Variants in ITPR1 observed in about 807,000 individuals in gnomAD.
ITPR1 encodes inositol 1,4,5-trisphosphate-gated calcium channel ITPR1.
Under a neutral mutation model 318.4 loss-of-function variants are expected in ITPR1, and 96 were observed. The ratio of observed to expected loss-of-function variants is 0.30; its 90% CI spans 0.26 to 0.36. ITPR1 has a LOEUF of 0.36. Among genes scored for constraint, ITPR1 ranks in the 10% least tolerant of loss-of-function variants. The pLI is 1.00. For synonymous variants in ITPR1, 1,312 were observed against 1,289.9 expected (o/e 1.02, Z -0.37); for missense variants, 2,440 against 3,460.2 (o/e 0.71, Z 7.40).
chr3:4,655,241 C>T (rs536619275), intron 12 of ITPR1, among the ~76,000 whole-genome samples: 4 of 152,246 alleles, frequency 2.6e-5, no homozygotes, highest in South Asian at 2.1e-4. Context: ...TCCATGCTGC[C>T]GTCTGTGGTG....
intron 4 of ITPR1, among the ~76,000 whole-genome samples, chr3:4,594,608 T>A (rs2090651385): frequency 6.6e-6 from 1 of 152,210 alleles, no homozygotes; most frequent in African/African-American, 2.4e-5. Context: ...AGCCATTGTG[T>A]TCACATTCCA....
intron 60 of ITPR1, among the ~76,000 whole-genome samples, chr3:4,829,229 T>C (rs2050277488): frequency 1.3e-5 from 2 of 152,218 alleles, no homozygotes; most frequent in South Asian, 4.1e-4. Flanking sequence ...CCGTCCTGTA[T>C]ACACACAACT....
At position 4,727,258 on chromosome 3, in the gene ITPR1, C is replaced by A. The variant is rs1015190907; in HGVS notation, c.5220+85C>A. On this transcript the variant is annotated intron_variant, in intron 42 of 61. Transcript: ENST00000649015. ...TCAGCCACACACTGTGATTGAGAGA[C>A]AGCTTTTGTTGTTGATATTGTTAAA... The A allele has an allele frequency of 1.7e-5, 16 of 967,400 alleles. No homozygotes were observed. The Admixed American group carries it at 2.8e-4, about 17-fold the overall frequency. 59.9% of individuals were successfully genotyped at this position (967,400 alleles called of 1,614,324 possible).
At chr3:4,529,290 A>G (rs1328220207) in intron 4 of ITPR1, among the ~76,000 whole-genome samples, 5 of 152,238 alleles carry the variant, frequency 3.3e-5, no homozygotes, top group Non-Finnish European at 7.3e-5. Flanking sequence ...AGTGCAATAA[A>G]TAAGTTTACC....
At chr3:4,618,851 A>G (rs2092487015) in intron 4 of ITPR1, among the ~76,000 whole-genome samples, 1 of 152,202 alleles carries the variant, frequency 6.6e-6, no homozygotes, top group African/African-American at 2.4e-5. Context: ...TATTAAGCAT[A>G]CTGTCTCGAC....
At chr3:4,684,193 T>G in intron 28 of ITPR1, 88 bp from the exon 29 acceptor site, 1 of 844,746 alleles carries the variant, frequency 1.2e-6, no homozygotes, top group Non-Finnish European at 2.0e-6. Flanking sequence ...GAACTCCCTT[T>G]CTTTCCTAAA....
At chr3:4,673,487 G>A (rs1190014190) in intron 21 of ITPR1, 100 bp downstream of exon 21, 1 of 1,226,812 alleles carries the variant, frequency 8.2e-7, no homozygotes, top group Non-Finnish European at 1.1e-6. Context: ...TGAAGTGTTG[G>A]TTTTTTCTTC....
At chr3:4,555,995 G>A (rs1287909591) in intron 4 of ITPR1, among the ~76,000 whole-genome samples, 1 of 152,162 alleles carries the variant, frequency 6.6e-6, no homozygotes, top group African/African-American at 2.4e-5. Context: ...GTCGTGCTGT[G>A]TTTTAGCAGT....
intron 4 of ITPR1, among the ~76,000 whole-genome samples, chr3:4,569,258 A>G (rs1434469086): frequency 6.6e-6 from 1 of 152,176 alleles, no homozygotes; most frequent in Non-Finnish European, 1.5e-5. Flanking sequence ...TTTTATTTTA[A>G]AGAAAGTTAA....
At chr3:4,754,329 C>T (rs1486313292) in intron 44 of ITPR1, among the ~76,000 whole-genome samples, 2 of 152,168 alleles carry the variant, frequency 1.3e-5, no homozygotes, top group South Asian at 2.1e-4. Context: ...GGACCCTCCT[C>T]CCGGGAAGAG....
At chr3:4,768,043 T>A (rs903131554) in intron 45 of ITPR1, among the ~76,000 whole-genome samples, 7 of 152,216 alleles carry the variant, frequency 4.6e-5, no homozygotes, top group African/African-American at 1.4e-4. Flanking sequence ...ACAGGGTTAT[T>A]CTGAGGATGA....
chr3:4,768,347 C>A, intron 45 of ITPR1, 164 bp from the exon 46 acceptor site: 1 of 763,106 alleles, frequency 1.3e-6, no homozygotes, highest in Non-Finnish European at 2.0e-6. Context: ...CGGTTTTAAT[C>A]CTGTCTGAGG....
At chr3:4,544,645 T>C (rs2084790557) in intron 4 of ITPR1, among the ~76,000 whole-genome samples, 1 of 152,270 alleles carries the variant, frequency 6.6e-6, no homozygotes, top group Non-Finnish European at 1.5e-5. Flanking sequence ...TTGGGAGGGA[T>C]CCTCTCAGTC....
chr3:4,695,190 G>T (rs899179933), intron 33 of ITPR1, among the ~76,000 whole-genome samples: 14 of 152,156 alleles, frequency 9.2e-5, no homozygotes, highest in African/African-American at 3.1e-4. Context: ...TAATAAGAAA[G>T]CAATGAGATT....
chr3:4,788,358 A>G (rs1388754733), intron 52 of ITPR1, among the ~76,000 whole-genome samples: 1 of 152,190 alleles, frequency 6.6e-6, no homozygotes, highest in Non-Finnish European at 1.5e-5. Flanking sequence ...CCTTCATCAG[A>G]ATTTGACTTG....
intron 43 of ITPR1, among the ~76,000 whole-genome samples, chr3:4,734,909 A>G (rs929954139): frequency 6.6e-6 from 1 of 152,246 alleles, no homozygotes; most frequent in African/African-American, 2.4e-5. Flanking sequence ...CTTGCTGGAA[A>G]TGTATCATTC....
rs2046682613 is a variant in ITPR1 at position 4,779,477 on chromosome 3, G to A, written c.6292-73G>A. On this transcript the variant is annotated intron_variant, in intron 48 of 61. Coordinates refer to ENST00000649015, the MANE Select transcript of ITPR1 (RefSeq NM_001378452.1). This position sits in a 1 kb window ranked among gnomAD's most constrained non-coding sequence, Gnocchi z 4.0. ...TAGCCGGGATGCCTCCCATGTGCCA[G>A]TTGGCACCTGCATTCAGGCCGGGCC... is the stretch of plus-strand genomic sequence containing the variant. The A allele has an allele frequency of 1.1e-5, 12 of 1,089,114 alleles. No individual in the cohort carries two copies. Among genetic ancestry groups the A allele is most frequent in the Non-Finnish European group, 1.6e-5 (11 of 706,054 alleles). The allele number at this position is 1,089,114 out of a possible 1,614,324, so 67.5% of individuals were successfully genotyped here.
intron 61 of ITPR1, among the ~76,000 whole-genome samples, chr3:4,841,697 G>A (rs559649478): frequency 1.3e-5 from 2 of 152,282 alleles, no homozygotes; most frequent in East Asian, 3.9e-4. Flanking sequence ...TTCGGGAGAG[G>A]ATTAGAGTAA....
chr3:4,618,350 T>C (rs1030788803), intron 4 of ITPR1, among the ~76,000 whole-genome samples: 3 of 152,204 alleles, frequency 2.0e-5, no homozygotes, highest in Non-Finnish European at 4.4e-5. Flanking sequence ...CTAGATGATG[T>C]GTGTCTCTTG....
Sources: gnomAD v4.1 joint callset for allele counts (sites outside exome capture counted in the v4.1 genomes callset) on GRCh38, gnomAD v4.1.1 for gene constraint, Gnocchi (gnomAD v3.1) non-coding constraint, MANE v1.5 for transcripts, NCBI Gene and HGNC (gene_info 2026-07-23, HGNC 2026-07-21) for gene names.